ADAMTS7: variants seen among roughly 807,000 people sequenced by gnomAD.
ADAMTS7 encodes the protein ADAM metallopeptidase with thrombospondin type 1 motif 7.
Under a neutral mutation model 172.6 loss-of-function variants are expected in ADAMTS7, and 89 were observed. That is an observed-to-expected ratio of 0.52 (90% CI 0.43 to 0.61). The LOEUF (loss-of-function observed/expected upper bound fraction) is 0.61. Ranked by LOEUF, ADAMTS7 falls within the 20% of genes least tolerant of loss-of-function variation. The pLI is 0.00. For synonymous variants in ADAMTS7, 885 were observed against 978.4 expected (o/e 0.90, Z 1.78); for missense variants, 1,973 against 2,355.6 (o/e 0.84, Z 3.36).
chr15:78,805,757 G>A (rs2055779605), intron 1 of ADAMTS7, among the ~76,000 whole-genome samples: 1 of 152,108 alleles, frequency 6.6e-6, no homozygotes, highest in Non-Finnish European at 1.5e-5. Flanking sequence ...CAAAGTCCAG[G>A]AAAGTGGGTA....
At chr15:78,768,722 A>G (rs2141478626) in intron 16 of ADAMTS7, among the ~76,000 whole-genome samples, 1 of 152,294 alleles carries the variant, frequency 6.6e-6, no homozygotes, top group East Asian at 1.9e-4. Flanking sequence ...TGCTGTTAGC[A>G]TGCAAACCCA....
intron 6 of ADAMTS7, 29 bp from the exon 7 acceptor site, chr15:78,789,867 C>T (rs1007262080): frequency 7.7e-6 from 12 of 1,555,400 alleles, no homozygotes; most frequent in Non-Finnish European, 7.8e-6. Flanking sequence ...AGCCTTCAGG[C>T]TAACCTGGCC....
At chr15:78,795,733 G>T (rs2055634224) in intron 4 of ADAMTS7, among the ~76,000 whole-genome samples, 1 of 152,220 alleles carries the variant, frequency 6.6e-6, no homozygotes, top group Non-Finnish European at 1.5e-5. Flanking sequence ...CCAGGTGGCT[G>T]CTAAGAATGC....
Position 78,776,318 on chromosome 15 carries a change from C to A in ADAMTS7, c.1576G>T (p.Glu526Ter). ...CGENKWCLSG[E>*]CVPVGFRPEA... ...GGCCGGAAGCCCACGGGTACGCACT[C>A]CCCACTGAGACACCACTACTGAGAC... Residue 526 changes from glutamate to a stop codon, truncating the protein, a stop_gained, in exon 11 of 24, where the codon GAG (glutamate) becomes TAG (stop). Coordinates refer to ENST00000388820, the MANE Select transcript of ADAMTS7 (RefSeq NM_014272.5). LOFTEE classifies it high-confidence loss of function. The A allele has an allele frequency of 6.2e-7, 1 of 1,611,640 alleles. No homozygotes were observed. The highest frequency in any genetic ancestry group is 8.5e-7 in the Non-Finnish European group (1 of 1,179,698).
chr15:78,759,493 C>G lies in ADAMTS7; in HGVS notation c.4989G>C (p.Gln1663His), dbSNP rs773235395. The G allele has an allele frequency of 1.3e-5, 21 of 1,597,724 alleles. No individual in the cohort carries two copies. The highest frequency in any genetic ancestry group is 6.6e-5 in the South Asian group (6 of 90,270). ...TGGGCGGAGAGCACGAGCGGCAGCA[C>G]TGGGTGCGGATGGTGGGCAGCTGGC... Reference protein sequence around the residue: ...GRCQLPTIRTQCCRSCSPPSH... With the variant: ...GRCQLPTIRTHCCRSCSPPSH... Residue 1663 changes from glutamine to histidine, a missense_variant, in exon 24 of 24, where the codon CAG becomes CAC. Gln to His is a conservative substitution (Grantham distance 24, BLOSUM62 0). Around this residue, in one of 8 missense-constraint regions of ADAMTS7, gnomAD observed 94 missense variants for 95.4 expected, o/e 0.99. Transcript: ENST00000388820.
At chr15:78,764,460 T>TC in intron 20 of ADAMTS7, 95 bp downstream of exon 20, 1 of 1,430,474 alleles carries the variant, frequency 7.0e-7, no homozygotes, top group Non-Finnish European at 9.2e-7. Flanking sequence ...CCTGGGGCCC[T>TC]CCCCTTCCCT....
chr15:78,794,714 T>G (rs980636324), intron 4 of ADAMTS7, among the ~76,000 whole-genome samples: 1 of 152,080 alleles, frequency 6.6e-6, no homozygotes, highest in Admixed American at 6.6e-5. Flanking sequence ...GGTCTTTTTT[T>G]GTTTTTGTTT....
rs778285344 is a variant in ADAMTS7 at position 78,800,175 on chromosome 15, T to C, written c.456+17A>G. ...CACCCGAGACTGCCCCAAGTATACA[T>C]GTCCCAGCTCACTCACCAGGCCGTC... On this transcript the variant is annotated intron_variant, in intron 2 of 23. Transcript: ENST00000388820. The C allele has an allele frequency of 1.3e-6, 2 of 1,585,168 alleles. No individual in the cohort carries two copies. Among genetic ancestry groups the C allele is most frequent in the Admixed American group, 3.4e-5 (2 of 58,984 alleles).
chr15:78,774,005 A>T (rs1313821484), intron 13 of ADAMTS7, among the ~76,000 whole-genome samples, 162 bp downstream of exon 13: 1 of 152,120 alleles, frequency 6.6e-6, no homozygotes, highest in Non-Finnish European at 1.5e-5. Context: ...ATGGTAGAGC[A>T]TGGGGAGGGT....
At chr15:78,785,286 C>T (rs971672484) in intron 8 of ADAMTS7, among the ~76,000 whole-genome samples, 1 of 152,242 alleles carries the variant, frequency 6.6e-6, no homozygotes, top group Admixed American at 6.5e-5. Flanking sequence ...CGCAGTGGCT[C>T]TCATCTGTAA....
intron 17 of ADAMTS7, 78 bp from the exon 18 acceptor site, chr15:78,767,670 T>TGGGCTTCCAGGCC: frequency 7.3e-7 from 1 of 1,379,234 alleles, no homozygotes; most frequent in Non-Finnish European, 9.7e-7. Context: ...GGGGCCAGGC[T>TGGGCTTCCAGGCC]GGGCTTCCAG....
intron 2 of ADAMTS7, among the ~76,000 whole-genome samples, chr15:78,799,640 T>A (rs2055691841): frequency 1.3e-5 from 2 of 151,606 alleles, no homozygotes; most frequent in African/African-American, 4.8e-5. Context: ...CAACTGCTTT[T>A]TCAGTTACTT....
intron 4 of ADAMTS7, 100 bp from the exon 5 acceptor site, chr15:78,791,323 T>C (rs2055579073): frequency 1.2e-6 from 1 of 857,062 alleles, no homozygotes; most frequent in Non-Finnish European, 1.7e-6. Context: ...AACGCACACC[T>C]GTGCTCACAC....
chr15:78,789,161 C>T, intron 7 of ADAMTS7, among the ~76,000 whole-genome samples: 1 of 152,204 alleles, frequency 6.6e-6, no homozygotes, highest in Non-Finnish European at 1.5e-5. Context: ...TAAGATGCTG[C>T]CATATTCGCC....
intron 2 of ADAMTS7, among the ~76,000 whole-genome samples, chr15:78,798,791 G>T (rs1171522487): frequency 6.6e-6 from 1 of 152,178 alleles, no homozygotes; most frequent in African/African-American, 2.4e-5. Context: ...GGAAGCTCAG[G>T]GCTCCAACAG....
intron 8 of ADAMTS7, among the ~76,000 whole-genome samples, chr15:78,779,328 C>A (rs1040613536): frequency 6.6e-6 from 1 of 152,184 alleles, no homozygotes; most frequent in Non-Finnish European, 1.5e-5. Context: ...GCAGACTCTA[C>A]CATCATCTCC....
chr15:78,805,645 G>C (rs1031325024), intron 1 of ADAMTS7, among the ~76,000 whole-genome samples: 1 of 152,182 alleles, frequency 6.6e-6, no homozygotes, highest in African/African-American at 2.4e-5. Flanking sequence ...GGAAAAATCT[G>C]TCTCCCTACC....
intron 4 of ADAMTS7, among the ~76,000 whole-genome samples, chr15:78,795,086 C>T (rs995544540): frequency 1.3e-5 from 2 of 152,216 alleles, no homozygotes; most frequent in Non-Finnish European, 2.9e-5. Context: ...GAAATGAACC[C>T]AGTTAACCAT....
chr15:78,760,132 G>A (rs1172646964), intron 23 of ADAMTS7, among the ~76,000 whole-genome samples: 2 of 151,776 alleles, frequency 1.3e-5, no homozygotes, highest in Admixed American at 6.7e-5. Context: ...CTTCTCAGGT[G>A]GGCCACGAAG....
Sources: gnomAD v4.1 joint callset for allele counts (sites outside exome capture counted in the v4.1 genomes callset) on GRCh38, gnomAD v4.1.1 for gene constraint, gnomAD v4.1.1 regional missense constraint, MANE v1.5 for transcripts, NCBI Gene and HGNC (gene_info 2026-07-23, HGNC 2026-07-21) for gene names.